TMF1: variants seen among roughly 807,000 people sequenced by gnomAD.
TMF1 encodes the protein TATA element modulatory factor.
Under a neutral mutation model 126.5 loss-of-function variants are expected in TMF1, and 71 were observed. The ratio of observed to expected loss-of-function variants is 0.56; its 90% CI spans 0.46 to 0.68. The LOEUF (loss-of-function observed/expected upper bound fraction) is 0.68, where lower values mean the gene tolerates loss of function less well. TMF1 is among the 30% of genes least tolerant of loss of function. TMF1 has a pLI of 0.00. For synonymous variants in TMF1, 461 were observed against 430.5 expected, an observed-to-expected ratio of 1.07 and a Z score of -0.88; for missense variants, 1,259 against 1,253.2, an observed-to-expected ratio of 1.00 and a Z score of -0.07.
In TMF1 at chr3:69,021,367, T is replaced by C. The variant is rs1397261371; in HGVS notation, c.*1810A>G. 5 of 152,626 alleles carry C rather than the reference T, an allele frequency of 3.3e-5. No individual in the cohort carries two copies. Among genetic ancestry groups the C allele is most frequent in the Non-Finnish European group, 7.3e-5 (5 of 68,036 alleles). The allele number at this position is 152,626 out of a possible 1,614,324, so 9.5% of individuals were successfully genotyped here. Reference sequence around the variant, plus strand: ...ATTTTCTAATTCTATACATTTCTTATTGCTTATCTGTCCTGTCATTCTGCC... The same window carrying C: ...ATTTTCTAATTCTATACATTTCTTACTGCTTATCTGTCCTGTCATTCTGCC... On this transcript the variant is annotated 3_prime_UTR_variant, in exon 17 of 17. Coordinates refer to ENST00000398559, the MANE Select transcript of TMF1 (RefSeq NM_007114.3).
At chr3:69,039,787 A>G in intron 5 of TMF1, 94 bp from the exon 6 acceptor site, 1 of 1,369,648 alleles carries the variant, frequency 7.3e-7, no homozygotes. Flanking sequence ...AAAGAACAGA[A>G]TTTTTTTAAA....
At position 69,021,843 on chromosome 3, in the gene TMF1, G is replaced by T. The variant is rs1198935497; in HGVS notation, c.*1334C>A. 1.3e-5 allele frequency: 2 copies of T among 152,098 alleles called. No homozygotes were observed. Among genetic ancestry groups the T allele is most frequent in the Non-Finnish European group, 2.9e-5 (2 of 68,034 alleles). 9.4% of individuals were successfully genotyped at this position (152,098 alleles called of 1,614,324 possible). A position where few individuals can be genotyped will look rare whatever the true frequency, so the allele number is the denominator to read the frequency against. On this transcript the variant is annotated 3_prime_UTR_variant, in exon 17 of 17. Coordinates refer to ENST00000398559, the MANE Select transcript of TMF1 (RefSeq NM_007114.3). ...TTACAGGCGCACACCACCACGCCAG[G>T]CTAATTTTTGTATTTTTAGTAGAGA... is the stretch of plus-strand genomic sequence containing the variant.
At chr3:69,031,771 T>C (rs2091804518) in intron 10 of TMF1, among the ~76,000 whole-genome samples, 1 of 152,242 alleles carries the variant, frequency 6.6e-6, no homozygotes, top group African/African-American at 2.4e-5. Context: ...AGCATAGCTA[T>C]GGTCTTTTTA....
chr3:69,030,651 T>C (rs950022343), intron 10 of TMF1: 1 of 152,038 alleles, frequency 6.6e-6, no homozygotes, highest in African/African-American at 2.4e-5. Context: ...CCATAGAGAA[T>C]GTACAAATGG....
chr3:69,047,881 G>A lies in TMF1; in HGVS notation c.824C>T (p.Ser275Leu), dbSNP rs527848437. The change falls in exon 2 of 17, where the codon TCG becomes TTG. Residue 275 changes from serine to leucine, a missense_variant. Physicochemically the swap from Ser to Leu is moderately radical, Grantham distance 145 (BLOSUM62 -2). Transcript: ENST00000398559. ...TTTTGAATCTGTAGTCTCTTGTCTCGAGCTCGCTGAGCTCTCACTTATTAC... is the reference window on the plus strand; with the variant it reads ...TTTTGAATCTGTAGTCTCTTGTCTCAAGCTCGCTGAGCTCTCACTTATTAC... ...ESVISESSAS[S>L]RQETTDSKSS... 11 of 1,613,810 alleles carry A rather than the reference G, an allele frequency of 6.8e-6. No homozygotes were observed. The highest frequency in any genetic ancestry group is 2.7e-5 in the African/African-American group (2 of 75,020).
chr3:69,047,424 C>T lies in TMF1; in HGVS notation c.1281G>A (p.Val427=), dbSNP rs556445577. The stretch of plus-strand genomic sequence containing the variant: ...TTTCAGCAGGTTCACACTGCTCAGC[C>T]ACCTTGTCTAACACAGTCTGTCCTT... The part of the protein sequence containing the change: ...INEGQTVLDK[V]AEQCEPAESQ... The change falls in exon 2 of 17, where the codon GTG becomes GTA. Residue 427 remains valine (V), a synonymous_variant. Transcript: ENST00000398559. 4.3e-6 allele frequency: 7 copies of T among 1,614,022 alleles called. No homozygotes were observed. Among genetic ancestry groups the T allele is most frequent in the South Asian group, 3.3e-5 (3 of 91,052 alleles).
At chr3:69,026,900 GTAATT>G (rs2091770697) in intron 13 of TMF1, among the ~76,000 whole-genome samples, 2 of 151,812 alleles carry the variant, frequency 1.3e-5, no homozygotes, top group Admixed American at 1.3e-4. Context: ...AATTCAATAG[GTAATT>G]TAAATTTACC....
chr3:69,047,309 T>C, intron 2 of TMF1, 49 bp downstream of exon 2: 1 of 1,498,732 alleles, frequency 6.7e-7, no homozygotes, highest in Non-Finnish European at 8.9e-7. Context: ...ACAAATGATT[T>C]AATCTCCAAA....
intron 13 of TMF1, among the ~76,000 whole-genome samples, chr3:69,027,329 T>C (rs1457060711): frequency 6.6e-6 from 1 of 152,042 alleles, no homozygotes; most frequent in Non-Finnish European, 1.5e-5. Context: ...TTACCCTCAT[T>C]AACCAGAAAG....
At chr3:69,046,233 G>A (rs1207465566) in intron 2 of TMF1, among the ~76,000 whole-genome samples, 1 of 152,060 alleles carries the variant, frequency 6.6e-6, no homozygotes. Context: ...AATTCCTTAG[G>A]TCCTACTCAA....
rs1050842381 is a variant in TMF1 at position 69,022,105 on chromosome 3, G to A, written c.*1072C>T. ...TACCTTTTTGAATAAAATAACATTTGGAAGAAGGCATAGCTACTTTTAAAA... is the reference window on the plus strand; with the variant it reads ...TACCTTTTTGAATAAAATAACATTTAGAAGAAGGCATAGCTACTTTTAAAA... On this transcript the variant is annotated 3_prime_UTR_variant, in exon 17 of 17. Coordinates refer to ENST00000398559, the MANE Select transcript of TMF1 (RefSeq NM_007114.3). 6.6e-6 allele frequency: 1 copy of A among 152,574 alleles called. No individual in the cohort carries two copies. Among genetic ancestry groups the A allele is most frequent in the African/African-American group, 2.4e-5 (1 of 41,436 alleles). 9.5% of individuals were successfully genotyped at this position (152,574 alleles called of 1,614,324 possible). A position where few individuals can be genotyped will look rare whatever the true frequency, so the allele number is the denominator to read the frequency against.
chr3:69,027,864 G>A (rs945031904), intron 13 of TMF1, 36 bp downstream of exon 13: 1 of 1,131,896 alleles, frequency 8.8e-7, no homozygotes, highest in African/African-American at 1.5e-5. Context: ...CTACTAAATG[G>A]TTACACCACA....
chr3:69,031,137 A>G (rs938121107), intron 10 of TMF1, among the ~76,000 whole-genome samples: 1 of 152,218 alleles, frequency 6.6e-6, no homozygotes, highest in African/African-American at 2.4e-5. Context: ...AAAAAAGCCA[A>G]ACCCAAAATG....
Position 69,048,529 on chromosome 3 carries a change from G to A in TMF1, c.176C>T (p.Thr59Ile). The change falls in exon 2 of 17, where the codon ACT (threonine) becomes ATT (isoleucine). Residue 59 changes from threonine (T) to isoleucine (I), a missense_variant. By Grantham distance (89) the Thr-to-Ile change is moderately conservative (BLOSUM62 -1). Transcript: ENST00000398559. ...ISSPVSGGWD[T>I]STWGLKSNTE... ...GTTTGATTTCAACCCCCAGGTTGAAGTATCCCATCCTCCACTGACAGGGGA... is the reference window on the plus strand; with the variant it reads ...GTTTGATTTCAACCCCCAGGTTGAAATATCCCATCCTCCACTGACAGGGGA... 4 of 1,612,624 alleles carry A rather than the reference G, an allele frequency of 2.5e-6. No individual in the cohort carries two copies. The highest frequency in any genetic ancestry group is 3.4e-6 in the Non-Finnish European group (4 of 1,179,068).
intron 13 of TMF1, among the ~76,000 whole-genome samples, chr3:69,027,225 G>A (rs1295682632): frequency 6.6e-6 from 1 of 152,020 alleles, no homozygotes; most frequent in Non-Finnish European, 1.5e-5. Context: ...TGAACTCTTA[G>A]CCTCAAGTGA....
intron 15 of TMF1, chr3:69,024,991 T>A (rs1314553808): frequency 6.6e-6 from 1 of 152,138 alleles, no homozygotes; most frequent in African/African-American, 2.4e-5. Context: ...TGTAAAACAT[T>A]TCAATATTTC....
chr3:69,029,116 C>T (rs1000304409), intron 11 of TMF1, among the ~76,000 whole-genome samples: 18 of 151,880 alleles, frequency 1.2e-4, no homozygotes, highest in Non-Finnish European at 2.1e-4. Context: ...TCACTGCAAC[C>T]TCTGCCTCCC....
intron 1 of TMF1, among the ~76,000 whole-genome samples, chr3:69,049,757 G>C (rs988369841): frequency 5.3e-5 from 8 of 152,092 alleles, no homozygotes; most frequent in Non-Finnish European, 1.2e-4. Context: ...CTAAAATCCT[G>C]ATTTTTAAAA....
chr3:69,052,176 C>T lies in TMF1; in HGVS notation c.-90G>A. On this transcript the variant is annotated 5_prime_UTR_variant, in exon 1 of 17. Coordinates refer to ENST00000398559, the MANE Select transcript of TMF1 (RefSeq NM_007114.3). Reference sequence around the variant, plus strand: ...GGTGCAGAGGAACGGCTTCGCTCCCCTTTTCCACTCGGCTGGTTCTGTCAG... The same window carrying T: ...GGTGCAGAGGAACGGCTTCGCTCCCTTTTTCCACTCGGCTGGTTCTGTCAG... The T allele has an allele frequency of 1.4e-6, 2 of 1,394,776 alleles. No homozygotes were observed. The highest frequency in any genetic ancestry group is 1.4e-5 in the South Asian group (1 of 70,818). The allele number at this position is 1,394,776 out of a possible 1,614,324, so 86.4% of individuals were successfully genotyped here. A position where few individuals can be genotyped will look rare whatever the true frequency, so the allele number is the denominator to read the frequency against.
Sources: allele counts gnomAD v4.1 joint callset (sites outside exome capture counted in the v4.1 genomes callset), GRCh38; gene constraint gnomAD v4.1.1; transcripts MANE v1.5; gene names NCBI Gene and HGNC (gene_info 2026-07-23, HGNC 2026-07-21).